RNF111: variants seen among roughly 807,000 people sequenced by gnomAD.
RNF111 encodes the protein ring finger protein 111, also known as E3 ubiquitin-protein ligase Arkadia.
Under a neutral mutation model 95.1 loss-of-function variants are expected in RNF111, and 17 were observed. The observed-to-expected ratio is 0.18, with a 90% CI of 0.12 to 0.27. The LOEUF is 0.27. RNF111 is among the 10% of genes least tolerant of loss of function. The pLI, the probability that RNF111 is intolerant of heterozygous loss-of-function variation, is 1.00. For missense variants in RNF111, 1,189 were observed against 1,210.4 expected, an observed-to-expected ratio of 0.98 and a Z score of 0.26; for synonymous variants, 440 against 414.8, an observed-to-expected ratio of 1.06 and a Z score of -0.74.
Position 59,031,276 on chromosome 15 carries a change from A to C in RNF111, c.454A>C (p.Thr152Pro). 6.2e-7 allele frequency: 1 copy of C among 1,614,176 alleles called. No homozygotes were observed. The highest frequency in any genetic ancestry group is 8.5e-7 in the Non-Finnish European group (1 of 1,180,016). Residue 152 changes from threonine (T) to proline (P), a missense_variant, in exon 2 of 14, where the codon ACT becomes CCT. Thr to Pro is a conservative substitution (Grantham distance 38, BLOSUM62 -1). This residue lies in a region of RNF111 where 1,024 missense variants were observed against 925.9 expected (regional missense o/e 1.11). Transcript: ENST00000348370. ...SSSLHFGDSDTVTSDEDKEVS... is the reference protein window; with the variant it reads ...SSSLHFGDSDPVTSDEDKEVS... Reference sequence around the variant, plus strand: ...TAGTCTGCATTTTGGAGATTCTGATACTGTGACTTCAGATGAGGATAAAGA... The same window carrying C: ...TAGTCTGCATTTTGGAGATTCTGATCCTGTGACTTCAGATGAGGATAAAGA...
At chr15:58,989,681 G>C (rs1308669022) in intron 1 of RNF111, among the ~76,000 whole-genome samples, 1 of 152,164 alleles carries the variant, frequency 6.6e-6, no homozygotes, top group East Asian at 1.9e-4. Flanking sequence ...ACATCTTAAC[G>C]AATTTCACTT....
intron 1 of RNF111, among the ~76,000 whole-genome samples, chr15:58,993,222 A>C (rs1193394928): frequency 6.6e-6 from 1 of 151,360 alleles, no homozygotes; most frequent in Non-Finnish European, 1.5e-5. Context: ...ATAATTAGTA[A>C]AAGTGGCCAG....
chr15:59,078,601 T>C (rs1034692376), intron 7 of RNF111, among the ~76,000 whole-genome samples: 3 of 148,682 alleles, frequency 2.0e-5, no homozygotes, highest in East Asian at 3.9e-4. Context: ...CTCACGCCTG[T>C]AATCCCAGCA....
chr15:59,048,699 G>T (rs1332958716), intron 2 of RNF111, among the ~76,000 whole-genome samples: 1 of 152,120 alleles, frequency 6.6e-6, no homozygotes, highest in Non-Finnish European at 1.5e-5. Flanking sequence ...TCAACAACAG[G>T]TTTGTAAAAA....
chr15:59,049,745 C>A, intron 2 of RNF111: 1 of 103,860 alleles, frequency 9.6e-6, no homozygotes, highest in South Asian at 3.0e-4. Context: ...TTCTTTCTTT[C>A]TTTTTTTTTT....
chr15:59,068,763 C>T (rs1261201313), intron 6 of RNF111, among the ~76,000 whole-genome samples: 1 of 152,004 alleles, frequency 6.6e-6, no homozygotes, highest in Non-Finnish European at 1.5e-5. Context: ...GGTATGTCTT[C>T]TGGGTCTGAC....
intron 13 of RNF111, among the ~76,000 whole-genome samples, chr15:59,093,055 T>C (rs1207749990): frequency 6.6e-6 from 1 of 152,224 alleles, no homozygotes; most frequent in African/African-American, 2.4e-5. Context: ...ACTTTTGGCA[T>C]ATACTGTTAC....
At chr15:59,090,787 G>A (rs1352245508) in intron 11 of RNF111, among the ~76,000 whole-genome samples, 3 of 152,162 alleles carry the variant, frequency 2.0e-5, no homozygotes, top group African/African-American at 7.2e-5. Flanking sequence ...GTCAGGCATG[G>A]TGGCTCACAC....
At chr15:59,056,774 C>T (rs1183881126) in intron 4 of RNF111, among the ~76,000 whole-genome samples, 1 of 152,130 alleles carries the variant, frequency 6.6e-6, no homozygotes, top group Non-Finnish European at 1.5e-5. Context: ...ATCTGTAAGA[C>T]AGTCGTTAAT....
At chr15:59,083,295 C>T (rs1260481151) in intron 8 of RNF111, among the ~76,000 whole-genome samples, 2 of 152,082 alleles carry the variant, frequency 1.3e-5, no homozygotes, top group East Asian at 1.9e-4. Context: ...TGTCTGTAAT[C>T]CCAGCACTTT....
At chr15:59,014,053 C>T (rs1284591186) in intron 1 of RNF111, among the ~76,000 whole-genome samples, 3 of 152,108 alleles carry the variant, frequency 2.0e-5, no homozygotes, top group Non-Finnish European at 2.9e-5. Flanking sequence ...GGCCTCCCAA[C>T]ATGCTAGGAT....
intron 1 of RNF111, among the ~76,000 whole-genome samples, chr15:59,029,167 A>G (rs1025355475): frequency 3.3e-5 from 5 of 151,886 alleles, no homozygotes; most frequent in African/African-American, 1.2e-4. Flanking sequence ...TGAGGGTTCC[A>G]ATGTTTTTTT....
chr15:58,995,290 T>A (rs1284622505), intron 1 of RNF111, among the ~76,000 whole-genome samples: 2 of 152,356 alleles, frequency 1.3e-5, no homozygotes, highest in African/African-American at 4.8e-5. Flanking sequence ...ATGGACATTC[T>A]TTTATAAGGA....
intron 13 of RNF111, chr15:59,093,458 AC>A (rs1333235085): frequency 4.6e-6 from 2 of 430,454 alleles, no homozygotes; most frequent in Admixed American, 5.6e-5. Flanking sequence ...CGATCCACCT[AC>A]CTCAGCCTCC....
chr15:58,991,129 T>TAAA (rs560831323), intron 1 of RNF111, among the ~76,000 whole-genome samples: 1 of 148,194 alleles, frequency 6.7e-6, no homozygotes, highest in African/African-American at 2.5e-5. Flanking sequence ...CCGTCTGTAC[T>TAAA]AAAAAAAAAA....
chr15:59,072,434 T>A (rs866690582), intron 6 of RNF111, among the ~76,000 whole-genome samples: 1 of 151,716 alleles, frequency 6.6e-6, no homozygotes, highest in South Asian at 2.1e-4. Flanking sequence ...TCTAAATCTT[T>A]CGCTGTCATT....
chr15:59,002,038 G>A (rs1250915739), intron 1 of RNF111, among the ~76,000 whole-genome samples: 2 of 152,180 alleles, frequency 1.3e-5, no homozygotes, highest in Non-Finnish European at 2.9e-5. Context: ...GGCGAAATGA[G>A]GTTAATGACA....
At chr15:58,997,535 A>G (rs1306260143) in intron 1 of RNF111, among the ~76,000 whole-genome samples, 3 of 150,784 alleles carry the variant, frequency 2.0e-5, no homozygotes, top group Admixed American at 6.6e-5. Flanking sequence ...AAAAAAAATC[A>G]GGGCTGGGTA....
intron 3 of RNF111, among the ~76,000 whole-genome samples, chr15:59,054,947 A>G (rs2042143766): frequency 6.6e-6 from 1 of 152,202 alleles, no homozygotes; most frequent in South Asian, 2.1e-4. Flanking sequence ...TGCATATTCT[A>G]CATATTATCC....
Sources: allele counts gnomAD v4.1 joint callset (sites outside exome capture counted in the v4.1 genomes callset), GRCh38; gene constraint gnomAD v4.1.1; regional missense constraint gnomAD v4.1.1; transcripts MANE v1.5; gene names NCBI Gene and HGNC (gene_info 2026-07-23, HGNC 2026-07-21).